Variants in FGR observed in about 807,000 individuals in gnomAD.
The protein encoded by FGR is tyrosine-protein kinase Fgr.
Under a neutral mutation model 63.2 loss-of-function variants are expected in FGR, and 26 were observed. The observed-to-expected ratio is 0.41, with a 90% CI of 0.30 to 0.57. The LOEUF (loss-of-function observed/expected upper bound fraction) is 0.57. FGR is among the 20% of genes least tolerant of loss of function. FGR has a pLI of 0.27. For missense variants in FGR, 511 were observed against 690.8 expected, an observed-to-expected ratio of 0.74 and a Z score of 2.92; for synonymous variants, 286 against 277.7, an observed-to-expected ratio of 1.03 and a Z score of -0.30.
At chr1:27,623,515 A>G (rs1484879497) in intron 3 of FGR, 176 bp downstream of exon 3, 1 of 710,872 alleles carries the variant, frequency 1.4e-6, no homozygotes, top group South Asian at 1.5e-5. Flanking sequence ...TCCCCTGCAG[A>G]CTGTGGTTTC....
At chr1:27,625,573 A>G (rs2090007673) in intron 1 of FGR, among the ~76,000 whole-genome samples, 1 of 152,140 alleles carries the variant, frequency 6.6e-6, no homozygotes, top group African/African-American at 2.4e-5. Flanking sequence ...TGAACATTAT[A>G]ATCATCTCTC....
Position 27,612,886 on chromosome 1 carries a change from C to A in FGR, c.*28G>T, listed in dbSNP as rs377401415. On this transcript the variant is annotated 3_prime_UTR_variant, in exon 13 of 13. Coordinates refer to ENST00000374005, the MANE Select transcript of FGR (RefSeq NM_005248.3). ...GGGATTGGCAAGGACTGGTGGCCAC[C>A]GCCAGAGAGGGTTGATGCCCGGACA... 4 of 1,599,522 alleles carry A rather than the reference C, an allele frequency of 2.5e-6. No homozygotes were observed. The highest frequency in any genetic ancestry group is 3.4e-6 in the Non-Finnish European group (4 of 1,170,990).
intron 1 of FGR, among the ~76,000 whole-genome samples, chr1:27,633,736 T>G (rs1201780015): frequency 6.6e-6 from 1 of 152,202 alleles, no homozygotes. Context: ...TATTTTTTTG[T>G]AGAGACAGGA....
chr1:27,634,664 G>T (rs1035276777), intron 1 of FGR, among the ~76,000 whole-genome samples: 19 of 151,298 alleles, frequency 1.3e-4, no homozygotes, highest in African/African-American at 4.1e-4. Flanking sequence ...AGACCCGTCG[G>T]CTTCTCCCCA....
chr1:27,618,531 TG>T (rs933735427), intron 5 of FGR, among the ~76,000 whole-genome samples: 2 of 152,094 alleles, frequency 1.3e-5, no homozygotes, highest in African/African-American at 4.8e-5. Context: ...TCTCAGTGCT[TG>T]GTGACACTGG....
At chr1:27,614,000 G>A (rs1050648420) in intron 11 of FGR, among the ~76,000 whole-genome samples, 1 of 152,150 alleles carries the variant, frequency 6.6e-6, no homozygotes, top group Non-Finnish European at 1.5e-5. Context: ...TTTTACAGAC[G>A]AGGAAACGGA....
rs890954064 is a variant in FGR at position 27,612,605 on chromosome 1, A to C, written c.*309T>G. ...GTGAGGGAGGTACATACAGTTTTATAAATAACTAGACAAGGTCTGAGCACT... is the reference window on the plus strand; with the variant it reads ...GTGAGGGAGGTACATACAGTTTTATCAATAACTAGACAAGGTCTGAGCACT... On this transcript the variant is annotated 3_prime_UTR_variant, in exon 13 of 13. Transcript: ENST00000374005. The C allele has an allele frequency of 6.2e-6, 2 of 323,128 alleles. No individual in the cohort carries two copies. The highest frequency in any genetic ancestry group is 1.2e-5 in the Non-Finnish European group (2 of 172,872). The allele number at this position is 323,128 out of a possible 1,614,324, so 20.0% of individuals were successfully genotyped here. A position where few individuals can be genotyped will look rare whatever the true frequency, so the allele number is the denominator to read the frequency against.
In FGR at chr1:27,623,183, G is replaced by A. The variant is rs370509601; in HGVS notation, c.227-39C>T. On this transcript the variant is annotated intron_variant, in intron 3 of 12. Coordinates refer to ENST00000374005, the MANE Select transcript of FGR (RefSeq NM_005248.3). Reference sequence around the variant, plus strand: ...GCTACTCAGCAGGGTAGGGCATGGGGCAGAAGCACCAAGGGGGCTGCACCC... The same window carrying A: ...GCTACTCAGCAGGGTAGGGCATGGGACAGAAGCACCAAGGGGGCTGCACCC... 4.7e-6 allele frequency: 7 copies of A among 1,495,878 alleles called. No individual in the cohort carries two copies. In the African/African-American group the frequency reaches 8.3e-5, roughly 18 times the overall value. The allele number at this position is 1,495,878 out of a possible 1,614,324, so 92.7% of individuals were successfully genotyped here.
rs1471081844 is a variant in FGR at position 27,615,553 on chromosome 1, G to C, written c.899C>G (p.Pro300Arg). 4 of 1,613,838 alleles carry C rather than the reference G, an allele frequency of 2.5e-6. No homozygotes were observed. In the South Asian group the frequency reaches 4.4e-5, roughly 18 times the overall value. Reference sequence around the variant, plus strand: ...CTGCGCCTCCTCCAGGAAGGCCTTCGGGGACATGGTGCCCGGCTTCAGCGT... The same window carrying C: ...CTGCGCCTCCTCCAGGAAGGCCTTCCGGGACATGGTGCCCGGCTTCAGCGT... The part of the protein sequence containing the change: ...VKTLKPGTMS[P>R]KAFLEEAQVM... Residue 300 changes from proline (P) to arginine (R), a missense_variant, in exon 9 of 13, where the codon CCG becomes CGG. By Grantham distance (103) the Pro-to-Arg change is moderately radical. Coordinates refer to ENST00000374005, the MANE Select transcript of FGR (RefSeq NM_005248.3). This position sits in a 1 kb window ranked among gnomAD's most constrained non-coding sequence, Gnocchi z 7.6.
At chr1:27,624,901 G>A (rs2089994258) in intron 2 of FGR, among the ~76,000 whole-genome samples, 188 bp downstream of exon 2, 1 of 152,080 alleles carries the variant, frequency 6.6e-6, no homozygotes, top group African/African-American at 2.4e-5. Flanking sequence ...CTGCAGAGGG[G>A]GATCAAGGCC....
At chr1:27,629,620 T>A (rs2090076069) in intron 1 of FGR, among the ~76,000 whole-genome samples, 1 of 152,240 alleles carries the variant, frequency 6.6e-6, no homozygotes, top group African/African-American at 2.4e-5. Flanking sequence ...CCTCTTGCTC[T>A]GATCTCTATG....
intron 11 of FGR, 87 bp downstream of exon 11, chr1:27,614,343 G>C: frequency 6.9e-7 from 1 of 1,443,170 alleles, no homozygotes; most frequent in South Asian, 1.3e-5. Context: ...GCGACCTGGA[G>C]TGAGGAAGGG....
chr1:27,622,926 G>GTA, intron 4 of FGR, 116 bp downstream of exon 4: 1 of 729,430 alleles, frequency 1.4e-6, no homozygotes. Context: ...TTATTGTTAT[G>GTA]TATATGTGTT....
intron 1 of FGR, among the ~76,000 whole-genome samples, chr1:27,630,533 A>G (rs1192730593): frequency 6.6e-6 from 1 of 151,944 alleles, no homozygotes; most frequent in Non-Finnish European, 1.5e-5. Context: ...TCATGCTCTA[A>G]ATCCTTGATA....
At chr1:27,623,358 C>T in intron 3 of FGR, 1 of 597,988 alleles carries the variant, frequency 1.7e-6, no homozygotes, top group African/African-American at 1.9e-5. Flanking sequence ...CATGGAGGAT[C>T]CCCTTGTTGC....
chr1:27,630,351 C>G (rs1047866551), intron 1 of FGR, among the ~76,000 whole-genome samples: 1 of 152,174 alleles, frequency 6.6e-6, no homozygotes, highest in African/African-American at 2.4e-5. Context: ...CTGCACCCGG[C>G]CTTTTTTGCA....
intron 5 of FGR, among the ~76,000 whole-genome samples, chr1:27,619,276 C>T (rs1478508769): frequency 6.6e-6 from 1 of 152,162 alleles, no homozygotes; most frequent in African/African-American, 2.4e-5. Flanking sequence ...CTGCAACCTC[C>T]ACCTCCCAGG....
At chr1:27,624,921 C>T (rs1051997844) in intron 2 of FGR, among the ~76,000 whole-genome samples, 168 bp downstream of exon 2, 1 of 152,112 alleles carries the variant, frequency 6.6e-6, no homozygotes, top group Non-Finnish European at 1.5e-5. Context: ...CATTTCCTGT[C>T]GTGGGTCCAG....
intron 1 of FGR, chr1:27,626,338 C>T (rs1183078051): frequency 7.6e-6 from 3 of 397,262 alleles, no homozygotes; most frequent in East Asian, 7.1e-5. Flanking sequence ...CCCAGAGGGG[C>T]CCCAAGGTCC....
Sources: gnomAD v4.1 joint callset for allele counts (sites outside exome capture counted in the v4.1 genomes callset) on GRCh38, gnomAD v4.1.1 for gene constraint, Gnocchi (gnomAD v3.1) non-coding constraint, MANE v1.5 for transcripts, NCBI Gene and HGNC (gene_info 2026-07-23, HGNC 2026-07-21) for gene names.